KDM4B: variants seen among roughly 807,000 people sequenced by gnomAD.
KDM4B encodes lysine-specific demethylase 4B.
A neutral mutation model predicts 125.2 loss-of-function variants in KDM4B; 32 were observed. That is an observed-to-expected ratio of 0.26 (90% CI 0.19 to 0.34). The LOEUF (loss-of-function observed/expected upper bound fraction) is 0.34, where lower values mean the gene tolerates loss of function less well. Ranked by LOEUF, KDM4B falls within the 10% of genes least tolerant of loss-of-function variation. The probability of loss-of-function intolerance (pLI) is 1.00; values close to 1 mark genes in which losing one functional copy is unlikely to be tolerated. For missense variants in KDM4B, 1,190 were observed against 1,577.7 expected, an observed-to-expected ratio of 0.75 and a Z score of 4.16; for synonymous variants, 721 against 677.9, an observed-to-expected ratio of 1.06 and a Z score of -0.99.
intron 1 of KDM4B, among the ~76,000 whole-genome samples, chr19:4,979,737 A>G (rs1020631269): frequency 1.3e-5 from 2 of 152,220 alleles, no homozygotes; most frequent in Admixed American, 1.3e-4. Context: ...CTTAGAAATG[A>G]TCCTGCCATT....
At chr19:4,994,087 G>A (rs890492794) in intron 1 of KDM4B, among the ~76,000 whole-genome samples, 4 of 137,748 alleles carry the variant, frequency 2.9e-5, no homozygotes, top group East Asian at 4.3e-4. Context: ...TCGACCTCCC[G>A]GCATGCACCA....
intron 6 of KDM4B, among the ~76,000 whole-genome samples, chr19:5,061,688 G>GA (rs2037602389): frequency 6.6e-6 from 1 of 152,186 alleles, no homozygotes; most frequent in East Asian, 1.9e-4. Context: ...AACATTGCAA[G>GA]ACTCCATCTC....
intron 7 of KDM4B, among the ~76,000 whole-genome samples, chr19:5,071,874 A>T (rs1456714219): frequency 6.6e-6 from 1 of 152,226 alleles, no homozygotes; most frequent in Non-Finnish European, 1.5e-5. Flanking sequence ...AGCTGGCTAA[A>T]GCAGTTCCTC....
chr19:5,114,213 C>T lies in KDM4B; in HGVS notation c.1115+3395C>T. On this transcript the variant is annotated intron_variant, in intron 10 of 22. Transcript: ENST00000159111. This position sits in a 1 kb window ranked among gnomAD's most constrained non-coding sequence, Gnocchi z 5.8. The stretch of plus-strand genomic sequence containing the variant: ...ACGCGAGAAGCGCCATGTGCACGTG[C>T]TCCAGCAGGTACGCGCTCCCTGCAG... The T allele has an allele frequency of 7.8e-7, 1 of 1,289,740 alleles. No individual in the cohort carries two copies. The highest frequency in any genetic ancestry group is 1.0e-6 in the Non-Finnish European group (1 of 988,852). The allele number at this position is 1,289,740 out of a possible 1,614,324, so 79.9% of individuals were successfully genotyped here.
At chr19:5,009,243 C>T (rs1341282065) in intron 1 of KDM4B, among the ~76,000 whole-genome samples, 2 of 152,104 alleles carry the variant, frequency 1.3e-5, no homozygotes, top group African/African-American at 4.8e-5. Flanking sequence ...TTGAGCCATG[C>T]CACCTTCCTC....
chr19:5,089,284 C>A (rs912514889), intron 9 of KDM4B, among the ~76,000 whole-genome samples: 2 of 152,178 alleles, frequency 1.3e-5, no homozygotes, highest in Non-Finnish European at 2.9e-5. Context: ...TTCTGGAAGG[C>A]CGTCTGCCAT....
At chr19:4,975,863 G>A (rs2034427389) in intron 1 of KDM4B, among the ~76,000 whole-genome samples, 1 of 151,178 alleles carries the variant, frequency 6.6e-6, no homozygotes, top group African/African-American at 2.4e-5. Context: ...AAAGTGCTGG[G>A]ATTACAGGCG....
chr19:5,132,181 G>A (rs916713772), intron 13 of KDM4B, among the ~76,000 whole-genome samples, 174 bp downstream of exon 13: 1 of 152,216 alleles, frequency 6.6e-6, no homozygotes, highest in Non-Finnish European at 1.5e-5. Context: ...TGGGGCAGGT[G>A]GTCGTGCGGG....
At chr19:4,991,101 G>C (rs2035016978) in intron 1 of KDM4B, among the ~76,000 whole-genome samples, 1 of 152,184 alleles carries the variant, frequency 6.6e-6, no homozygotes, top group Non-Finnish European at 1.5e-5. Flanking sequence ...CTGGGCGACA[G>C]AGTGAGACTC....
In KDM4B at chr19:5,110,767, T is replaced by C. The variant is rs1599207093; in HGVS notation, c.1064T>C (p.Leu355Pro). 6.2e-7 allele frequency: 1 copy of C among 1,609,036 alleles called. No homozygotes were observed. Among genetic ancestry groups the C allele is most frequent in the Non-Finnish European group, 8.5e-7 (1 of 1,178,062 alleles). The change falls in exon 10 of 23, where the codon CTG becomes CCG. Residue 355 changes from leucine to proline, a missense_variant. Physicochemically the swap from Leu to Pro is moderately conservative, Grantham distance 98. Coordinates refer to ENST00000159111, the MANE Select transcript of KDM4B (RefSeq NM_015015.3). ...TRPTALTSPE[L>P]SSWSASRASL... ...CCCACGGCGCTCACCAGCCCCGAGCTGAGCTCCTGGAGTGCATCCCGGGCC... is the reference window on the plus strand; with the variant it reads ...CCCACGGCGCTCACCAGCCCCGAGCCGAGCTCCTGGAGTGCATCCCGGGCC...
At chr19:5,031,501 G>C (rs1318428114) in intron 2 of KDM4B, among the ~76,000 whole-genome samples, 1 of 152,262 alleles carries the variant, frequency 6.6e-6, no homozygotes, top group South Asian at 2.1e-4. Context: ...GGCGGGCAGG[G>C]CCTCAGCCCA....
At chr19:5,074,778 TG>T (rs2145837741) in intron 7 of KDM4B, 1 of 152,564 alleles carries the variant, frequency 6.6e-6, no homozygotes, top group East Asian at 1.9e-4. Flanking sequence ...CTCCGTGTGC[TG>T]GTGCTCTCGC....
chr19:5,132,143 T>A, intron 13 of KDM4B, 136 bp downstream of exon 13: 1 of 1,134,466 alleles, frequency 8.8e-7, no homozygotes, highest in Non-Finnish European at 1.2e-6. Context: ...GGCCTTTCTG[T>A]GGCTCTGCCG....
intron 11 of KDM4B, among the ~76,000 whole-genome samples, chr19:5,125,384 G>A (rs771241136): frequency 3.3e-5 from 5 of 152,164 alleles, no homozygotes; most frequent in African/African-American, 9.6e-5. Flanking sequence ...CTCCCCATGC[G>A]TGGTCCTGGC....
At chr19:4,992,308 T>C (rs1179212819) in intron 1 of KDM4B, among the ~76,000 whole-genome samples, 1 of 152,152 alleles carries the variant, frequency 6.6e-6, no homozygotes, top group African/African-American at 2.4e-5. Flanking sequence ...CTGTGCTCCA[T>C]CTGCCTTAGT....
intron 2 of KDM4B, among the ~76,000 whole-genome samples, chr19:5,026,588 G>A (rs778962077): frequency 5.3e-5 from 8 of 152,252 alleles, no homozygotes; most frequent in South Asian, 2.1e-4. Context: ...TGCCTGGCAC[G>A]TGGTGGGGCC....
chr19:5,020,503 G>A (rs562855826), intron 2 of KDM4B, among the ~76,000 whole-genome samples: 2 of 152,248 alleles, frequency 1.3e-5, no homozygotes, highest in South Asian at 4.1e-4. Context: ...CCCACCAGCC[G>A]TGCATGAGGG....
Position 5,145,065 on chromosome 19 carries a change from G to A in KDM4B, c.3021+163G>A, listed in dbSNP as rs573067664. 3.3e-5 allele frequency among the ~76,000 whole-genome samples: 5 copies of A among 152,340 alleles called. 1 individual carries two copies. The highest frequency in any genetic ancestry group is 4.1e-4 in the South Asian group (2 of 4,830). On this transcript the variant is annotated intron_variant, in intron 21 of 22. Transcript: ENST00000159111. ...GCAGGACCCAGCTGAGCCTTGGCTC[G>A]CCTGCCTAAGTTAGAAGCACAGGGC...
At chr19:5,028,391 T>C (rs1366958565) in intron 2 of KDM4B, among the ~76,000 whole-genome samples, 1 of 152,240 alleles carries the variant, frequency 6.6e-6, no homozygotes, top group Non-Finnish European at 1.5e-5. Flanking sequence ...TTCCTCCATG[T>C]GGCGCCTGTG....
Sources: allele counts gnomAD v4.1 joint callset (sites outside exome capture counted in the v4.1 genomes callset), GRCh38; gene constraint gnomAD v4.1.1; non-coding constraint Gnocchi (gnomAD v3.1); transcripts MANE v1.5; gene names NCBI Gene and HGNC (gene_info 2026-07-23, HGNC 2026-07-21).